Variants in PHKA2 observed in about 807,000 individuals in gnomAD.
PHKA2 encodes phosphorylase kinase regulatory subunit alpha 2, also known as phosphorylase b kinase regulatory subunit alpha, liver isoform.
Under a neutral mutation model 102.0 loss-of-function variants are expected in PHKA2, and 31 were observed. That is an observed-to-expected ratio of 0.30 (90% CI 0.23 to 0.41). The LOEUF is 0.41. Ranked by LOEUF, PHKA2 falls within the 10% of genes least tolerant of loss-of-function variation. PHKA2 has a pLI of 1.00. For missense variants in PHKA2, 858 were observed against 1,023.1 expected (o/e 0.84, Z 2.20); for synonymous variants, 455 against 416.2 (o/e 1.09, Z -1.13).
At chrX:18,949,746 T>C (rs1046965764) in intron 4 of PHKA2, among the ~76,000 whole-genome samples, 4 of 112,538 alleles carry the variant, frequency 3.6e-5, no homozygotes, top group Non-Finnish European at 7.5e-5. Flanking sequence ...TTGGAGAAGA[T>C]GCAGCCAAAT....
At chrX:18,896,690 CATTCCAG>C (rs987865790) in intron 30 of PHKA2, 2 of 188,091 alleles carry the variant, frequency 1.1e-5, no homozygotes, top group Middle Eastern at 2.0e-3. Flanking sequence ...CCTGAACTGT[CATTCCAG>C]GTTCCAGGCC....
At chrX:18,953,642 T>A (rs1169855582) in intron 2 of PHKA2, among the ~76,000 whole-genome samples, 1 of 111,865 alleles carries the variant, frequency 8.9e-6, no homozygotes, top group Non-Finnish European at 1.9e-5. Context: ...ATGGATAAAG[T>A]ACGTGTGAAA....
intron 1 of PHKA2, among the ~76,000 whole-genome samples, chrX:18,961,659 C>CA (rs1290808888): frequency 0.079 from 1,919 of 24,393 alleles, 134 homozygotes; most frequent in African/African-American, 0.21. Context: ...GACTCCATCT[C>CA]AAAAAAAAAA....
chrX:18,949,172 C>CAG (rs1017388143), intron 4 of PHKA2, among the ~76,000 whole-genome samples: 2 of 111,544 alleles, frequency 1.8e-5, no homozygotes, highest in Non-Finnish European at 3.8e-5. Context: ...CCAGAAGAAC[C>CAG]AGAGACACTG....
At chrX:18,952,577 G>C (rs1265848574) in intron 2 of PHKA2, 36 bp from the exon 3 acceptor site, 1 of 1,185,185 alleles carries the variant, frequency 8.4e-7, no homozygotes, top group South Asian at 1.8e-5. Context: ...ACACGGCCCA[G>C]GGTCCTTGCT....
chrX:18,966,788 A>G (rs1360910071), intron 1 of PHKA2, among the ~76,000 whole-genome samples: 2 of 111,822 alleles, frequency 1.8e-5, no homozygotes, highest in East Asian at 2.8e-4. Context: ...CTCTGCCCCA[A>G]TTGGACCCAG....
intron 1 of PHKA2, among the ~76,000 whole-genome samples, chrX:18,963,008 G>A (rs2048890951): frequency 8.9e-6 from 1 of 112,740 alleles, no homozygotes; most frequent in African/African-American, 3.2e-5. Context: ...TCCTCTCCAA[G>A]AGGGATTCAA....
chrX:18,922,382 G>A lies in PHKA2; in HGVS notation c.1793+1674C>T, dbSNP rs1051624453. ...GTGCAAAAGTGGATGCAGATTGCTGGTATGGCACTAGTCCTGAAAGTGTAT... is the reference window on the plus strand; with the variant it reads ...GTGCAAAAGTGGATGCAGATTGCTGATATGGCACTAGTCCTGAAAGTGTAT... On this transcript the variant is annotated intron_variant, in intron 17 of 32. Transcript: ENST00000379942. 3.6e-5 allele frequency among the ~76,000 whole-genome samples: 4 copies of A among 112,262 alleles called. No homozygotes were observed. In the Admixed American group the frequency reaches 3.8e-4, roughly 11 times the overall value.
intron 1 of PHKA2, among the ~76,000 whole-genome samples, chrX:18,967,674 T>C (rs772296327): frequency 9.6e-5 from 10 of 103,638 alleles, no homozygotes; most frequent in African/African-American, 2.5e-4. Flanking sequence ...TATAGCCTTA[T>C]TTAAAAAAAA....
intron 1 of PHKA2, among the ~76,000 whole-genome samples, chrX:18,964,325 G>A (rs1201344156): frequency 8.9e-6 from 1 of 111,815 alleles, no homozygotes; most frequent in Non-Finnish European, 1.9e-5. Flanking sequence ...CAGGCCTTTG[G>A]TTCCCTTTCC....
At chrX:18,965,309 T>C (rs2048923435) in intron 1 of PHKA2, among the ~76,000 whole-genome samples, 2 of 111,840 alleles carry the variant, frequency 1.8e-5, no homozygotes, top group South Asian at 7.4e-4. Flanking sequence ...CAGAACACAT[T>C]CAGCTCAGGG....
At chrX:18,978,452 G>A (rs977514456) in intron 1 of PHKA2, among the ~76,000 whole-genome samples, 10 of 111,791 alleles carry the variant, frequency 8.9e-5, no homozygotes, top group Admixed American at 3.8e-4. Flanking sequence ...GGTGGCTCAC[G>A]CCTATAATCC....
intron 23 of PHKA2, 93 bp from the exon 24 acceptor site, chrX:18,906,907 C>T (rs1032591674): frequency 2.4e-5 from 24 of 1,003,037 alleles, no homozygotes; most frequent in African/African-American, 7.5e-5. Context: ...CTGTGCTAGA[C>T]GCATCCATGT....
intron 9 of PHKA2, among the ~76,000 whole-genome samples, chrX:18,939,694 T>C (rs1051294328): frequency 8.1e-5 from 9 of 111,425 alleles, no homozygotes; most frequent in South Asian, 3.8e-4. Flanking sequence ...GGGGTTTCAC[T>C]GTGTTAGCCG....
chrX:18,947,416 C>A (rs1421500454), intron 5 of PHKA2, among the ~76,000 whole-genome samples: 1 of 112,083 alleles, frequency 8.9e-6, no homozygotes, highest in Non-Finnish European at 1.9e-5. Flanking sequence ...GGGGTTTATA[C>A]ACATTTATAC....
chrX:18,977,173 C>T (rs562941461), intron 1 of PHKA2, among the ~76,000 whole-genome samples: 2 of 111,850 alleles, frequency 1.8e-5, no homozygotes, highest in African/African-American at 6.5e-5. Context: ...CAGAAGCAGG[C>T]TTGCTAAGTT....
rs369674463 is a variant in PHKA2 at position 18,924,745 on chromosome X, A to G, written c.1570-220T>C. The stretch of plus-strand genomic sequence containing the variant: ...GCTGTAGGGTGGAAGGGAAAGGTGC[A>G]CTGCTAGATTTATTTCCAGCTCCTC... On this transcript the variant is annotated intron_variant, in intron 15 of 32. Coordinates refer to ENST00000379942, the MANE Select transcript of PHKA2 (RefSeq NM_000292.3). 5.4e-5 allele frequency among the ~76,000 whole-genome samples: 6 copies of G among 112,031 alleles called. No individual in the cohort carries two copies. The East Asian group carries it at 1.4e-3, about 26-fold the overall frequency.
chrX:18,927,182 C>T (rs982029921), intron 13 of PHKA2, among the ~76,000 whole-genome samples: 10 of 111,952 alleles, frequency 8.9e-5, no homozygotes, highest in Non-Finnish European at 1.5e-4. Flanking sequence ...GGGGAAAAAG[C>T]ACCCCAGGGC....
intron 19 of PHKA2, 24 bp downstream of exon 19, chrX:18,918,657 G>C (rs767637243): frequency 8.5e-7 from 1 of 1,177,087 alleles, no homozygotes; most frequent in African/African-American, 1.8e-5. Context: ...TATTTTAACA[G>C]GCAGAAAAGA....
Sources: allele counts gnomAD v4.1 joint callset (sites outside exome capture counted in the v4.1 genomes callset), GRCh38; gene constraint gnomAD v4.1.1; transcripts MANE v1.5; gene names NCBI Gene and HGNC (gene_info 2026-07-23, HGNC 2026-07-21).